The following ZMYM4 variants were observed in gnomAD, a reference collection of about 807,000 sequenced individuals.
ZMYM4 encodes the protein zinc finger MYM-type protein 4.
ZMYM4 carries 31 observed loss-of-function variants against 183.2 expected under a neutral mutation model. The observed-to-expected ratio is 0.17, with a 90% CI of 0.13 to 0.23. ZMYM4 has a LOEUF of 0.23. ZMYM4 is among the 10% of genes least tolerant of loss of function. ZMYM4 has a pLI of 1.00. For synonymous variants in ZMYM4, 592 were observed against 631.2 expected (o/e 0.94, Z 0.93); for missense variants, 1,273 against 1,840.3 (o/e 0.69, Z 5.64).
intron 5 of ZMYM4, among the ~76,000 whole-genome samples, chr1:35,364,291 A>G (rs760527777): frequency 3.3e-5 from 5 of 152,154 alleles, no homozygotes; most frequent in Non-Finnish European, 5.9e-5. Context: ...TGACCCCACA[A>G]TAAGGGACTT....
At chr1:35,394,375 C>G (rs1644771118) in intron 18 of ZMYM4, among the ~76,000 whole-genome samples, 1 of 151,568 alleles carries the variant, frequency 6.6e-6, no homozygotes, top group African/African-American at 2.4e-5. Context: ...GGTAGAGCCT[C>G]CATCCAGTGG....
At chr1:35,393,556 T>C in intron 17 of ZMYM4, 39 bp from the exon 18 acceptor site, 1 of 1,538,472 alleles carries the variant, frequency 6.5e-7, no homozygotes, top group Non-Finnish European at 8.7e-7. Flanking sequence ...AATGAGATTT[T>C]TAAAAATGTT....
At chr1:35,387,864 C>T (rs1644613164) in intron 13 of ZMYM4, among the ~76,000 whole-genome samples, 1 of 152,230 alleles carries the variant, frequency 6.6e-6, no homozygotes, top group East Asian at 1.9e-4. Flanking sequence ...TCCTTAGGTT[C>T]CCCATTATTA....
intron 18 of ZMYM4, 22 bp from the exon 19 acceptor site, chr1:35,396,530 A>T (rs1314250434): frequency 6.2e-7 from 1 of 1,608,438 alleles, no homozygotes; most frequent in Admixed American, 1.7e-5. Flanking sequence ...GCTTTTTGTG[A>T]TTTTGTTGTT....
At chr1:35,324,063 T>C (rs1642404584) in intron 1 of ZMYM4, among the ~76,000 whole-genome samples, 1 of 152,210 alleles carries the variant, frequency 6.6e-6, no homozygotes, top group African/African-American at 2.4e-5. Context: ...AATTCTGATA[T>C]ATTTTACCAG....
intron 1 of ZMYM4, among the ~76,000 whole-genome samples, chr1:35,318,430 A>G (rs1046766582): frequency 1.3e-5 from 2 of 152,076 alleles, no homozygotes; most frequent in African/African-American, 4.8e-5. Flanking sequence ...AAAGGCAGGC[A>G]CTGTCTACTC....
chr1:35,324,145 T>C (rs1642408419), intron 1 of ZMYM4, among the ~76,000 whole-genome samples: 1 of 152,172 alleles, frequency 6.6e-6, no homozygotes, highest in Non-Finnish European at 1.5e-5. Flanking sequence ...GGTATTTATA[T>C]CTTCAGTTCA....
chr1:35,268,938 G>A lies in ZMYM4; in HGVS notation c.-109G>A. On this transcript the variant is annotated 5_prime_UTR_variant, in exon 1 of 30. Transcript: ENST00000314607. The stretch of plus-strand genomic sequence containing the variant: ...CGGCGCAAGGCCCGGCCGGGTCCGG[G>A]GAAGCTGCCGCGAGGCGGCCGTGCC... The A allele has an allele frequency of 4.8e-6, 6 of 1,261,324 alleles. No individual in the cohort carries two copies. The highest frequency in any genetic ancestry group is 6.1e-6 in the Non-Finnish European group (6 of 986,278). The allele number at this position is 1,261,324 out of a possible 1,614,324, so 78.1% of individuals were successfully genotyped here.
At chr1:35,379,424 C>T (rs1030200653) in intron 7 of ZMYM4, among the ~76,000 whole-genome samples, 2 of 152,076 alleles carry the variant, frequency 1.3e-5, no homozygotes, top group African/African-American at 4.8e-5. Flanking sequence ...TTAGTAGAGT[C>T]GTGGTTTCAC....
intron 7 of ZMYM4, among the ~76,000 whole-genome samples, chr1:35,373,544 ATTTTTTTTTTTT>A (rs202022428): frequency 8.1e-6 from 1 of 122,834 alleles, no homozygotes; most frequent in East Asian, 2.4e-4. Flanking sequence ...TGCACAGCTA[ATTTTTTTTTTTT>A]TTTTTTTTTT....
intron 1 of ZMYM4, among the ~76,000 whole-genome samples, chr1:35,286,202 A>G (rs1390890992): frequency 6.6e-6 from 1 of 152,226 alleles, no homozygotes; most frequent in Non-Finnish European, 1.5e-5. Context: ...GCAAAGTTGC[A>G]GGATATGGCA....
In ZMYM4 at chr1:35,418,531, A is replaced by G. The variant is rs760077427; in HGVS notation, c.4398A>G (p.Leu1466=). ...VEMAENTDNP[L]RCPVRLYEFY... The stretch of plus-strand genomic sequence containing the variant: ...TGGCAGAGAATACTGACAATCCACT[A>G]AGATGCCCAGTCCGACTTTATGAGT... Residue 1466 remains leucine (L), a synonymous_variant, in exon 29 of 30, where the codon CTA becomes CTG. Coordinates refer to ENST00000314607, the MANE Select transcript of ZMYM4 (RefSeq NM_005095.3). 4 of 1,614,176 alleles carry G rather than the reference A, an allele frequency of 2.5e-6. No individual in the cohort carries two copies. The highest frequency in any genetic ancestry group is 1.7e-5 in the Admixed American group (1 of 60,028).
Position 35,389,209 on chromosome 1 carries a change from C to T in ZMYM4, c.2436+127C>T, listed in dbSNP as rs917199785. ...TTAAGTATTAAATGTTTTATGCCTT[C>T]TAGCAATTAATATAAGATTTAGAAA... is the stretch of plus-strand genomic sequence containing the variant. On this transcript the variant is annotated intron_variant, in intron 14 of 29. Coordinates refer to ENST00000314607, the MANE Select transcript of ZMYM4 (RefSeq NM_005095.3). This position sits in a 1 kb window ranked among gnomAD's most constrained non-coding sequence, Gnocchi z 4.0. 8.9e-6 allele frequency: 8 copies of T among 897,082 alleles called. No individual in the cohort carries two copies. The highest frequency in any genetic ancestry group is 2.1e-5 in the South Asian group (1 of 47,368). 55.6% of individuals were successfully genotyped at this position (897,082 alleles called of 1,614,324 possible).
chr1:35,331,375 T>C (rs1039644461), intron 2 of ZMYM4, among the ~76,000 whole-genome samples: 2 of 152,182 alleles, frequency 1.3e-5, no homozygotes, highest in African/African-American at 4.8e-5. Context: ...CAGTGATTAG[T>C]ATACAATTTT....
Position 35,411,187 on chromosome 1 carries a change from C to CT in ZMYM4, c.3949-2769dup, listed in dbSNP as rs1019150941. 4.0e-3 allele frequency among the ~76,000 whole-genome samples: 519 copies of CT among 131,380 alleles called. 2 individuals are homozygous for CT. Among genetic ancestry groups the CT allele is most frequent in the South Asian group, 0.012 (51 of 4,110 alleles). The allele number at this position is 131,380 out of a possible 152,430, so 86.2% of individuals were successfully genotyped here. A position where few individuals can be genotyped will look rare whatever the true frequency, so the allele number is the denominator to read the frequency against. ...CAGTTATAATCCATTTTTCTTTTTT[C>CT]TTTTTTTTTTTTTTTTGAGATGGAG... is the stretch of plus-strand genomic sequence containing the variant. On this transcript the variant is annotated intron_variant, in intron 26 of 29. Transcript: ENST00000314607.
chr1:35,314,664 ATT>A (rs769116908), intron 1 of ZMYM4, among the ~76,000 whole-genome samples: 5 of 88,926 alleles, frequency 5.6e-5, no homozygotes, highest in Non-Finnish European at 7.9e-5. Flanking sequence ...TTCAAAAATG[ATT>A]TTTTTTTTTT....
intron 23 of ZMYM4, 66 bp downstream of exon 23, chr1:35,399,642 G>A: frequency 6.4e-7 from 1 of 1,553,506 alleles, no homozygotes; most frequent in Admixed American, 1.7e-5. Flanking sequence ...TTTAGTTCCT[G>A]CTGCTTTCAA....
At chr1:35,315,741 T>C (rs1348873952) in intron 1 of ZMYM4, among the ~76,000 whole-genome samples, 2 of 152,004 alleles carry the variant, frequency 1.3e-5, no homozygotes, top group African/African-American at 4.8e-5. Flanking sequence ...GGGACCAGAA[T>C]TGGCAACAGT....
chr1:35,416,336 A>G (rs1202910697), intron 28 of ZMYM4, among the ~76,000 whole-genome samples: 1 of 152,250 alleles, frequency 6.6e-6, no homozygotes, highest in Non-Finnish European at 1.5e-5. Context: ...GAATAGAATC[A>G]TAAGTCCTGA....
Sources: gnomAD v4.1 joint callset for allele counts (sites outside exome capture counted in the v4.1 genomes callset) on GRCh38, gnomAD v4.1.1 for gene constraint, Gnocchi (gnomAD v3.1) non-coding constraint, MANE v1.5 for transcripts, NCBI Gene and HGNC (gene_info 2026-07-23, HGNC 2026-07-21) for gene names.